The following ZNF493 variants were observed in gnomAD, a reference collection of about 807,000 sequenced individuals.
ZNF493 encodes the protein zinc finger protein 493.
A neutral mutation model predicts 12.2 loss-of-function variants in ZNF493; 11 were observed. The observed-to-expected ratio is 0.90, with a 90% confidence interval of 0.57 to 1.50. ZNF493 has a LOEUF of 1.50. Among genes scored for constraint, ZNF493 ranks in the 40% most tolerant of loss-of-function variants. The probability of loss-of-function intolerance (pLI) is 0.00; values close to 1 mark genes in which losing one functional copy is unlikely to be tolerated. For synonymous variants in ZNF493, 286 were observed against 302.6 expected (o/e 0.95, Z 0.57); for missense variants, 950 against 906.6 (o/e 1.05, Z -0.61).
At chr19:21,405,467 T>A in intron 2 of ZNF493, 1 of 1,391,348 alleles carries the variant, frequency 7.2e-7, no homozygotes, top group South Asian at 1.7e-5. Flanking sequence ...CCGGTCTGTA[T>A]CCTTCACTCT....
chr19:21,425,103 A>G lies in ZNF493; in HGVS notation c.*119A>G. 3 of 1,211,342 alleles carry G rather than the reference A, an allele frequency of 2.5e-6. No homozygotes were observed. Among genetic ancestry groups the G allele is most frequent in the Non-Finnish European group, 2.4e-6 (2 of 824,782 alleles). 75.0% of individuals were successfully genotyped at this position (1,211,342 alleles called of 1,614,324 possible). A position where few individuals can be genotyped will look rare whatever the true frequency, so the allele number is the denominator to read the frequency against. ...AATTAATGCTGGAGAGAAACCCTAC[A>G]AATGTGAAGAATGTGGCAAAGATTT... On this transcript the variant is annotated 3_prime_UTR_variant, in exon 4 of 4. Coordinates refer to ENST00000392288, the MANE Select transcript of ZNF493 (RefSeq NM_001076678.3).
At position 21,397,554 on chromosome 19, in the gene ZNF493, G is replaced by A. The variant is rs1028446775; in HGVS notation, c.30+287G>A. 12 of 583,594 alleles carry A rather than the reference G, an allele frequency of 2.1e-5. No homozygotes were observed. The African/African-American group carries it at 2.1e-4, about 10-fold the overall frequency. The allele number at this position is 583,594 out of a possible 1,614,324, so 36.2% of individuals were successfully genotyped here. ...GCGCCGCGTCTTTCTCAGATTGTGCGGGGACCACGGGAGGGTCATCAGGGG... is the reference window on the plus strand; with the variant it reads ...GCGCCGCGTCTTTCTCAGATTGTGCAGGGACCACGGGAGGGTCATCAGGGG... On this transcript the variant is annotated intron_variant, in intron 1 of 3. Coordinates refer to ENST00000392288, the MANE Select transcript of ZNF493 (RefSeq NM_001076678.3).
intron 3 of ZNF493, among the ~76,000 whole-genome samples, chr19:21,416,752 C>A (rs992265688): frequency 2.1e-4 from 32 of 152,164 alleles, no homozygotes; most frequent in African/African-American, 7.7e-4. Flanking sequence ...TATGCGCTCT[C>A]CTGGCTCTGC....
At chr19:21,408,953 C>T (rs2030232565) in intron 3 of ZNF493, among the ~76,000 whole-genome samples, 1 of 149,630 alleles carries the variant, frequency 6.7e-6, no homozygotes. Flanking sequence ...GGAACAATCT[C>T]GGCTCACTGC....
chr19:21,406,945 T>G (rs1360089208), intron 3 of ZNF493, among the ~76,000 whole-genome samples: 3 of 152,134 alleles, frequency 2.0e-5, no homozygotes, highest in Non-Finnish European at 4.4e-5. Flanking sequence ...GTAAATTTAT[T>G]TGTGTCTTGC....
chr19:21,423,945 G>C lies in ZNF493; in HGVS notation c.1286G>C (p.Gly429Ala). 1 of 1,613,008 alleles carries C rather than the reference G, an allele frequency of 6.2e-7. No homozygotes were observed. The highest frequency in any genetic ancestry group is 8.5e-7 in the Non-Finnish European group (1 of 1,179,500). ...ACTACACATAAAAGAATTCATACTG[G>C]AGAGAAACCCTACAAATGTGAAGAA... The part of the protein sequence containing the change: ...HLTTHKRIHT[G>A]EKPYKCEECG... The change falls in exon 4 of 4, where the codon GGA (glycine) becomes GCA (alanine). Residue 429 changes from glycine (G) to alanine (A), a missense_variant. Physicochemically the swap from Gly to Ala is moderately conservative, Grantham distance 60 (BLOSUM62 0). Coordinates refer to ENST00000392288, the MANE Select transcript of ZNF493 (RefSeq NM_001076678.3).
Position 21,423,800 on chromosome 19 carries a change from G to A in ZNF493, c.1141G>A (p.Glu381Lys). 1 of 1,613,208 alleles carries A rather than the reference G, an allele frequency of 6.2e-7. No homozygotes were observed. The highest frequency in any genetic ancestry group is 8.5e-7 in the Non-Finnish European group (1 of 1,179,454). The change falls in exon 4 of 4, where the codon GAA (glutamate) becomes AAA (lysine). Residue 381 changes from glutamate (E) to lysine (K), a missense_variant. Physicochemically the swap from Glu to Lys is moderately conservative, Grantham distance 56. Coordinates refer to ENST00000392288, the MANE Select transcript of ZNF493 (RefSeq NM_001076678.3). Reference sequence around the variant, plus strand: ...TGGAGAGAAACCCTACAAATGTGAAGAATGTGGCAAAGCCTTTAGTATTTT... The same window carrying A: ...TGGAGAGAAACCCTACAAATGTGAAAAATGTGGCAAAGCCTTTAGTATTTT... ...HTGEKPYKCE[E>K]CGKAFSIFST...
intron 3 of ZNF493, chr19:21,413,253 T>C: frequency 2.5e-6 from 1 of 393,862 alleles, no homozygotes; most frequent in Non-Finnish European, 4.5e-6. Flanking sequence ...AGATTTATTA[T>C]GGTAAATACT....
In ZNF493 at chr19:21,426,586, C is replaced by T. The variant is rs556811886; in HGVS notation, c.*1602C>T. 1 of 166,950 alleles carries T rather than the reference C, an allele frequency of 6.0e-6. No homozygotes were observed. Among genetic ancestry groups the T allele is most frequent in the South Asian group, 2.1e-4 (1 of 4,828 alleles). The allele number at this position is 166,950 out of a possible 1,614,324, so 10.3% of individuals were successfully genotyped here. Reference sequence around the variant, plus strand: ...GTCCACATTTTGTACTACAGAAAAACTCTGAAGAGGTCACTCAAACTTTGT... The same window carrying T: ...GTCCACATTTTGTACTACAGAAAAATTCTGAAGAGGTCACTCAAACTTTGT... On this transcript the variant is annotated 3_prime_UTR_variant, in exon 4 of 4. Coordinates refer to ENST00000392288, the MANE Select transcript of ZNF493 (RefSeq NM_001076678.3).
chr19:21,425,758 C>T lies in ZNF493; in HGVS notation c.*774C>T, dbSNP rs1313364588. ...CTTACTAAACATAAGATAACTCATA[C>T]TGGAGAAAAATCTTACAAATGTGAA... On this transcript the variant is annotated 3_prime_UTR_variant, in exon 4 of 4. Transcript: ENST00000392288. 8.4e-6 allele frequency: 5 copies of T among 595,450 alleles called. No individual in the cohort carries two copies. In the East Asian group the frequency reaches 1.4e-4, roughly 17 times the overall value. The allele number at this position is 595,450 out of a possible 1,614,324, so 36.9% of individuals were successfully genotyped here. A position where few individuals can be genotyped will look rare whatever the true frequency, so the allele number is the denominator to read the frequency against.
chr19:21,411,100 G>A (rs762667327), intron 3 of ZNF493, among the ~76,000 whole-genome samples: 6 of 151,968 alleles, frequency 3.9e-5, no homozygotes, highest in East Asian at 1.9e-4. Flanking sequence ...TCATGTCTAC[G>A]GAATTTTTTT....
At chr19:21,422,153 CT>C (rs1431861565) in intron 3 of ZNF493, among the ~76,000 whole-genome samples, 1 of 152,082 alleles carries the variant, frequency 6.6e-6, no homozygotes, top group African/African-American at 2.4e-5. Context: ...CCCTAGTCAT[CT>C]TTTTTCTTAA....
At chr19:21,408,617 G>T in intron 3 of ZNF493, 3 of 985,042 alleles carry the variant, frequency 3.0e-6, no homozygotes, top group Non-Finnish European at 3.6e-6. Context: ...ATACCAAATT[G>T]TATGAGTTAA....
chr19:21,422,550 C>T (rs1359488145), intron 3 of ZNF493, among the ~76,000 whole-genome samples: 1 of 150,770 alleles, frequency 6.6e-6, no homozygotes, highest in Non-Finnish European at 1.5e-5. Flanking sequence ...GGTACCTTAG[C>T]CTCCCAAGTA....
chr19:21,400,893 T>C (rs1178669141), intron 1 of ZNF493, among the ~76,000 whole-genome samples: 2 of 152,234 alleles, frequency 1.3e-5, no homozygotes, highest in Non-Finnish European at 2.9e-5. Context: ...AATCCTGTCA[T>C]CTGCACACAG....
intron 3 of ZNF493, chr19:21,412,212 T>C (rs886318966): frequency 6.6e-6 from 1 of 152,194 alleles, no homozygotes; most frequent in Non-Finnish European, 1.5e-5. Context: ...CTATAAAAGA[T>C]TAACTAAAAG....
chr19:21,424,194 C>A lies in ZNF493; in HGVS notation c.1535C>A (p.Thr512Asn). 6.2e-7 allele frequency: 1 copy of A among 1,612,550 alleles called. No individual in the cohort carries two copies. Residue 512 changes from threonine (T) to asparagine (N), a missense_variant, in exon 4 of 4, where the codon ACT becomes AAT. Transcript: ENST00000392288. ...STLSIHKIIH[T>N]GEKPYKCEEC... ...CTTAGTATACATAAAATAATTCATA[C>A]TGGAGAAAAACCCTACAAATGTGAA...
At chr19:21,405,929 A>AAAAAC in intron 3 of ZNF493, 73 bp downstream of exon 3, 3 of 1,062,048 alleles carry the variant, frequency 2.8e-6, no homozygotes, top group Non-Finnish European at 2.6e-6. Context: ...AAAAAAAAAA[A>AAAAAC]GCCAGTCCTG....
intron 3 of ZNF493, among the ~76,000 whole-genome samples, chr19:21,419,305 T>C (rs1599378424): frequency 6.7e-6 from 1 of 149,296 alleles, no homozygotes. Context: ...ACTTTTTTTG[T>C]CAGACGAGAT....
Sources: allele counts gnomAD v4.1 joint callset (sites outside exome capture counted in the v4.1 genomes callset), GRCh38; gene constraint gnomAD v4.1.1; transcripts MANE v1.5; gene names NCBI Gene and HGNC (gene_info 2026-07-23, HGNC 2026-07-21).